The following KCNQ3 variants were observed in gnomAD, a reference collection of about 807,000 sequenced individuals.
KCNQ3 encodes the protein potassium voltage-gated channel subfamily KQT member 3.
KCNQ3 carries 30 observed loss-of-function variants against 92.5 expected under a neutral mutation model. The observed-to-expected ratio is 0.32, with a 90% CI of 0.24 to 0.44. The LOEUF (loss-of-function observed/expected upper bound fraction) is 0.44. Among genes scored for constraint, KCNQ3 ranks in the 20% least tolerant of loss-of-function variants. The pLI, the probability that KCNQ3 is intolerant of heterozygous loss-of-function variation, is 1.00. For synonymous variants in KCNQ3, 450 were observed against 468.8 expected (o/e 0.96, Z 0.52); for missense variants, 913 against 1,140.3 (o/e 0.80, Z 2.87).
chr8:132,390,252 A>G (rs1283977835), intron 1 of KCNQ3, among the ~76,000 whole-genome samples: 2 of 152,236 alleles, frequency 1.3e-5, no homozygotes, highest in Non-Finnish European at 2.9e-5. Context: ...AGGGAATGAA[A>G]GCATACAATA....
At chr8:132,423,085 T>C (rs1821016015) in intron 1 of KCNQ3, among the ~76,000 whole-genome samples, 1 of 152,128 alleles carries the variant, frequency 6.6e-6, no homozygotes, top group African/African-American at 2.4e-5. Flanking sequence ...CCAGAATTAA[T>C]TGTTTGATGT....
intron 1 of KCNQ3, among the ~76,000 whole-genome samples, chr8:132,479,387 G>A (rs964309635): frequency 6.6e-6 from 1 of 152,142 alleles, no homozygotes; most frequent in African/African-American, 2.4e-5. Flanking sequence ...GACTGAGGCT[G>A]AGGGAATATC....
chr8:132,356,004 T>C (rs1163147676), intron 1 of KCNQ3, among the ~76,000 whole-genome samples: 1 of 152,196 alleles, frequency 6.6e-6, no homozygotes, highest in Non-Finnish European at 1.5e-5. Context: ...CAGGCTCACC[T>C]GAGTGTGGAT....
At chr8:132,302,859 G>A (rs998311711) in intron 1 of KCNQ3, among the ~76,000 whole-genome samples, 2 of 152,178 alleles carry the variant, frequency 1.3e-5, no homozygotes, top group African/African-American at 4.8e-5. Flanking sequence ...TGGATGTCTA[G>A]AGATGTATGT....
rs761996139 is a variant in KCNQ3 at position 132,480,424 on chromosome 8, C to T, written c.109G>A (p.Gly37Ser). The T allele has an allele frequency of 2.7e-6, 4 of 1,466,672 alleles. No individual in the cohort carries two copies. Among genetic ancestry groups the T allele is most frequent in the Non-Finnish European group, 3.6e-6 (4 of 1,112,932 alleles). The allele number at this position is 1,466,672 out of a possible 1,614,324, so 90.9% of individuals were successfully genotyped here. A position where few individuals can be genotyped will look rare whatever the true frequency, so the allele number is the denominator to read the frequency against. Residue 37 changes from glycine to serine, a missense_variant, in exon 1 of 15, where the codon GGC becomes AGC. Physicochemically the swap from Gly to Ser is moderately conservative, Grantham distance 56. Coordinates refer to ENST00000388996, the MANE Select transcript of KCNQ3 (RefSeq NM_004519.4). ...NPAGGDAAAA[G>S]DEERKVGLAP... ...AGCCCCACTTTCCGCTCCTCGTCGCCGGCCGCCGCCGCGTCCCCTCCGGCT... is the reference window on the plus strand; with the variant it reads ...AGCCCCACTTTCCGCTCCTCGTCGCTGGCCGCCGCCGCGTCCCCTCCGGCT...
intron 1 of KCNQ3, among the ~76,000 whole-genome samples, chr8:132,458,230 A>G (rs888941655): frequency 6.6e-6 from 1 of 152,066 alleles, no homozygotes; most frequent in African/African-American, 2.4e-5. Flanking sequence ...TAAGGTTCCT[A>G]CCTCCCAGCA....
Position 132,369,338 on chromosome 8 carries a change from T to C in KCNQ3, c.386+110809A>G, listed in dbSNP as rs543387481. ...CAGCTCATACTTAAGGGGTGGGGAG[T>C]TATGTTCTACTTCCTTGAGAGGGAG... On this transcript the variant is annotated intron_variant, in intron 1 of 14. Coordinates refer to ENST00000388996, the MANE Select transcript of KCNQ3 (RefSeq NM_004519.4). Among the ~76,000 whole-genome samples, 139 of 151,736 alleles carry C rather than the reference T, an allele frequency of 9.2e-4. 1 individual carries two copies. Among genetic ancestry groups the C allele is most frequent in the Non-Finnish European group, 1.2e-3 (80 of 67,934 alleles).
At chr8:132,189,087 C>T (rs1827080775) in intron 1 of KCNQ3, among the ~76,000 whole-genome samples, 2 of 152,212 alleles carry the variant, frequency 1.3e-5, no homozygotes, top group African/African-American at 4.8e-5. Flanking sequence ...GCTGCTTCCC[C>T]ACATCCAGGC....
chr8:132,141,779 G>A (rs1309009555), intron 9 of KCNQ3, among the ~76,000 whole-genome samples: 2 of 152,140 alleles, frequency 1.3e-5, no homozygotes, highest in Non-Finnish European at 2.9e-5. Flanking sequence ...CAACACAAAT[G>A]ACGTAAAGCA....
chr8:132,260,999 T>C (rs1815769391), intron 1 of KCNQ3, among the ~76,000 whole-genome samples: 1 of 152,192 alleles, frequency 6.6e-6, no homozygotes, highest in Non-Finnish European at 1.5e-5. Flanking sequence ...GTTCACAAAG[T>C]TGAGCAACCA....
chr8:132,244,372 G>A (rs1815091684), intron 1 of KCNQ3, among the ~76,000 whole-genome samples: 1 of 151,190 alleles, frequency 6.6e-6, no homozygotes, highest in African/African-American at 2.4e-5. Context: ...GAAAAAGAGA[G>A]ACAGAGAGAG....
intron 1 of KCNQ3, among the ~76,000 whole-genome samples, chr8:132,383,757 G>C (rs931303263): frequency 6.6e-6 from 1 of 152,148 alleles, no homozygotes; most frequent in African/African-American, 2.4e-5. Flanking sequence ...TGATGGAAAA[G>C]GAACCTATCT....
chr8:132,406,650 G>A (rs898115489), intron 1 of KCNQ3, among the ~76,000 whole-genome samples: 2 of 151,810 alleles, frequency 1.3e-5, no homozygotes, highest in African/African-American at 4.8e-5. Context: ...ACACACACCA[G>A]CAATACTAAA....
intron 1 of KCNQ3, among the ~76,000 whole-genome samples, chr8:132,295,629 A>G (rs1331455150): frequency 6.6e-6 from 1 of 152,266 alleles, no homozygotes; most frequent in Non-Finnish European, 1.5e-5. Flanking sequence ...ACATGGAATA[A>G]GCCCAAATGC....
chr8:132,288,505 C>T (rs1816743159), intron 1 of KCNQ3, among the ~76,000 whole-genome samples: 1 of 152,152 alleles, frequency 6.6e-6, no homozygotes, highest in Admixed American at 6.5e-5. Flanking sequence ...ATCACATTTG[C>T]CCATGCTGTG....
intron 1 of KCNQ3, among the ~76,000 whole-genome samples, chr8:132,246,907 A>G (rs1815199412): frequency 6.6e-6 from 1 of 152,226 alleles, no homozygotes; most frequent in Non-Finnish European, 1.5e-5. Flanking sequence ...AATTCATAAA[A>G]TAGGGAGAAT....
At chr8:132,236,745 C>A (rs933467541) in intron 1 of KCNQ3, among the ~76,000 whole-genome samples, 1 of 152,184 alleles carries the variant, frequency 6.6e-6, no homozygotes, top group East Asian at 1.9e-4. Context: ...GTGGGTCTGA[C>A]TTTATCACAA....
intron 1 of KCNQ3, among the ~76,000 whole-genome samples, chr8:132,268,572 T>C (rs1816060672): frequency 6.6e-6 from 1 of 152,236 alleles, no homozygotes; most frequent in Non-Finnish European, 1.5e-5. Flanking sequence ...CATTTCTTTC[T>C]AGTGCTAATT....
intron 1 of KCNQ3, among the ~76,000 whole-genome samples, chr8:132,310,375 A>G (rs1817558216): frequency 6.6e-6 from 1 of 152,166 alleles, no homozygotes; most frequent in African/African-American, 2.4e-5. Flanking sequence ...CTGAGCATGA[A>G]TCTATTGACC....
Sources: gnomAD v4.1 joint callset for allele counts (sites outside exome capture counted in the v4.1 genomes callset) on GRCh38, gnomAD v4.1.1 for gene constraint, MANE v1.5 for transcripts, NCBI Gene and HGNC (gene_info 2026-07-23, HGNC 2026-07-21) for gene names.